SSPN: variants seen among roughly 807,000 people sequenced by gnomAD.
SSPN encodes the protein K-ras oncogene-associated protein.
A neutral mutation model predicts 19.1 loss-of-function variants in SSPN; 15 were observed. That is an observed-to-expected ratio of 0.78 (90% confidence interval 0.52 to 1.21). The LOEUF (loss-of-function observed/expected upper bound fraction) is 1.21. Among genes scored for constraint, SSPN ranks in the 50% most tolerant of loss-of-function variants. SSPN has a pLI of 0.00. For synonymous variants in SSPN, 147 were observed against 140.3 expected, an observed-to-expected ratio of 1.05 and a Z score of -0.34; for missense variants, 291 against 314.0, an observed-to-expected ratio of 0.93 and a Z score of 0.55.
chr12:26,187,219 C>T (rs1354779727), intron 1 of SSPN, among the ~76,000 whole-genome samples: 2 of 152,244 alleles, frequency 1.3e-5, no homozygotes, highest in African/African-American at 4.8e-5. Flanking sequence ...CAGGCCACGC[C>T]CCAGGGCCCC....
chr12:26,125,053 C>G, intron 1 of SSPN: 1 of 519,454 alleles, frequency 1.9e-6, no homozygotes, highest in Admixed American at 2.9e-5. Context: ...AGGGCACGCG[C>G]GTCGCCGGCC....
chr12:26,203,046 C>T lies in SSPN; in HGVS notation c.279+7095C>T, dbSNP rs543895873. Among the ~76,000 whole-genome samples the T allele has an allele frequency of 3.3e-5, 5 of 152,168 alleles. 1 individual carries two copies. Among genetic ancestry groups the T allele is most frequent in the African/African-American group, 7.2e-5 (3 of 41,516 alleles). ...ACTGGGGAAACTGCCACTTATAAGC[C>T]ATCAGATCTCATGAGAACTCACTAT... On this transcript the variant is annotated intron_variant, in intron 1 of 2. Coordinates refer to ENST00000242729, the MANE Select transcript of SSPN (RefSeq NM_005086.5).
At chr12:26,196,162 C>T (rs1435136801) in intron 1 of SSPN, among the ~76,000 whole-genome samples, 1 of 152,212 alleles carries the variant, frequency 6.6e-6, no homozygotes, top group Non-Finnish European at 1.5e-5. Context: ...CTCCTGCTCG[C>T]GGCTCCCAGC....
chr12:26,147,551 G>A (rs1429969782), intron 1 of SSPN, among the ~76,000 whole-genome samples: 3 of 152,250 alleles, frequency 2.0e-5, no homozygotes, highest in Non-Finnish European at 4.4e-5. Context: ...GATTACCAGC[G>A]TGAGCCACCA....
chr12:26,144,497 C>T (rs1402319666), intron 1 of SSPN, among the ~76,000 whole-genome samples: 1 of 152,168 alleles, frequency 6.6e-6, no homozygotes, highest in Non-Finnish European at 1.5e-5. Context: ...TTTTCATTCC[C>T]CCTGGCATGG....
chr12:26,164,083 C>T (rs1944606283), intron 1 of SSPN, among the ~76,000 whole-genome samples: 1 of 152,188 alleles, frequency 6.6e-6, no homozygotes, highest in Admixed American at 6.5e-5. Flanking sequence ...TGCAAAGCCC[C>T]GTAAGCAGAT....
chr12:26,220,683 G>C (rs1945110843), intron 1 of SSPN, among the ~76,000 whole-genome samples: 1 of 152,134 alleles, frequency 6.6e-6, no homozygotes, highest in African/African-American at 2.4e-5. Context: ...CCATATAGTT[G>C]TGATTTGTGT....
intron 1 of SSPN, chr12:26,180,659 A>T (rs1162988400): frequency 1.3e-5 from 2 of 152,206 alleles, no homozygotes; most frequent in Non-Finnish European, 2.9e-5. Context: ...TTTTTTAGTC[A>T]AGAGATATAT....
intron 1 of SSPN, among the ~76,000 whole-genome samples, chr12:26,133,030 TTTCA>T (rs1484480741): frequency 6.6e-6 from 1 of 152,154 alleles, no homozygotes; most frequent in African/African-American, 2.4e-5. Flanking sequence ...GCTGGAATGG[TTTCA>T]TACAAGAATA....
At chr12:26,137,656 A>ATATTTTT (rs1377562695) in intron 1 of SSPN, among the ~76,000 whole-genome samples, 1 of 76,438 alleles carries the variant, frequency 1.3e-5, no homozygotes, top group African/African-American at 6.5e-5. Flanking sequence ...ATATATATAT[A>ATATTTTT]TTTTTTTTTT....
chr12:26,160,386 A>G (rs1235503620), intron 1 of SSPN, among the ~76,000 whole-genome samples: 1 of 152,126 alleles, frequency 6.6e-6, no homozygotes, highest in Non-Finnish European at 1.5e-5. Flanking sequence ...GTCAATTTGC[A>G]TTTTTTCTTT....
At chr12:26,158,179 T>G (rs1944566892) in intron 1 of SSPN, among the ~76,000 whole-genome samples, 1 of 152,190 alleles carries the variant, frequency 6.6e-6, no homozygotes, top group Non-Finnish European at 1.5e-5. Context: ...TGTTCAGCTC[T>G]TTCCCACTTC....
intron 1 of SSPN, among the ~76,000 whole-genome samples, chr12:26,130,898 CTT>C (rs112933150): frequency 6.9e-6 from 1 of 145,670 alleles, no homozygotes. Context: ...TCTTAAGGAG[CTT>C]TTTTTTTTTT....
chr12:26,131,365 G>A (rs563807509), intron 1 of SSPN, among the ~76,000 whole-genome samples: 1 of 152,198 alleles, frequency 6.6e-6, no homozygotes, highest in African/African-American at 2.4e-5. Flanking sequence ...ATGTTTTCTT[G>A]GAAATGATTG....
rs926331773 is a variant in SSPN, at chr12:26,232,041, C to T, written c.*965C>T. On this transcript the variant is annotated 3_prime_UTR_variant, in exon 3 of 3. Coordinates refer to ENST00000242729, the MANE Select transcript of SSPN (RefSeq NM_005086.5). ...AATTATTAATAGCTCAGGTTAAAAACACCCATTTAAACAAAAACAAGAGCA... is the reference window on the plus strand; with the variant it reads ...AATTATTAATAGCTCAGGTTAAAAATACCCATTTAAACAAAAACAAGAGCA... The T allele has an allele frequency of 2.0e-6, 2 of 985,148 alleles. No homozygotes were observed. Among genetic ancestry groups the T allele is most frequent in the African/African-American group, 3.5e-5 (2 of 57,186 alleles). The allele number at this position is 985,148 out of a possible 1,614,324, so 61.0% of individuals were successfully genotyped here. A position where few individuals can be genotyped will look rare whatever the true frequency, so the allele number is the denominator to read the frequency against.
chr12:26,186,802 A>G (rs1416056585), intron 1 of SSPN, among the ~76,000 whole-genome samples: 1 of 152,176 alleles, frequency 6.6e-6, no homozygotes, highest in Non-Finnish European at 1.5e-5. Context: ...TTGAGCCTCT[A>G]AGTGTGTGTC....
chr12:26,139,175 C>T (rs1274058425), intron 1 of SSPN, among the ~76,000 whole-genome samples: 1 of 152,056 alleles, frequency 6.6e-6, no homozygotes, highest in African/African-American at 2.4e-5. Flanking sequence ...CCTGTGAATC[C>T]CATATAGCCA....
At chr12:26,225,111 T>C (rs1945163560) in intron 2 of SSPN, among the ~76,000 whole-genome samples, 1 of 149,658 alleles carries the variant, frequency 6.7e-6, no homozygotes, top group Non-Finnish European at 1.5e-5. Context: ...CAAAGCTATC[T>C]TTAATCTTTT....
chr12:26,211,645 A>C (rs923813024), intron 1 of SSPN: 5 of 152,194 alleles, frequency 3.3e-5, no homozygotes, highest in Non-Finnish European at 7.3e-5. Flanking sequence ...CATTTTTATC[A>C]GTTCCATTGG....
Sources: gnomAD v4.1 joint callset for allele counts (sites outside exome capture counted in the v4.1 genomes callset) on GRCh38, gnomAD v4.1.1 for gene constraint, MANE v1.5 for transcripts, NCBI Gene and HGNC (gene_info 2026-07-23, HGNC 2026-07-21) for gene names.